The following ANKFN1 variants were observed in gnomAD, a reference collection of about 807,000 sequenced individuals.
ANKFN1 encodes the protein ankyrin repeat and fibronectin type-III domain-containing protein 1.
A neutral mutation model predicts 108.7 loss-of-function variants in ANKFN1; 74 were observed. The ratio of observed to expected loss-of-function variants is 0.68; its 90% CI spans 0.56 to 0.83. The LOEUF is 0.83. Among genes scored for constraint, ANKFN1 ranks in the 40% least tolerant of loss-of-function variants. The probability of loss-of-function intolerance (pLI) is 0.00; values close to 1 mark genes in which losing one functional copy is unlikely to be tolerated. For synonymous variants in ANKFN1, 547 were observed against 516.2 expected (o/e 1.06, Z -0.81); for missense variants, 1,505 against 1,382.3 (o/e 1.09, Z -1.41).
intron 2 of ANKFN1, among the ~76,000 whole-genome samples, chr17:56,214,354 G>C (rs186775852): frequency 6.6e-6 from 1 of 152,184 alleles, no homozygotes; most frequent in Admixed American, 6.5e-5. Context: ...ATCAAGAAAA[G>C]CTTCGCAGAG....
intron 10 of ANKFN1, 61 bp downstream of exon 10, chr17:56,442,994 T>G: frequency 6.5e-7 from 1 of 1,548,888 alleles, no homozygotes; most frequent in African/African-American, 1.4e-5. Context: ...AACTCCATCT[T>G]CAGGGTGCCA....
chr17:56,296,074 G>GA (rs2044501177), intron 3 of ANKFN1, among the ~76,000 whole-genome samples: 1 of 150,362 alleles, frequency 6.7e-6, no homozygotes, highest in African/African-American at 2.5e-5. Context: ...TTTAAATTCA[G>GA]GTTTTTTTTT....
At chr17:56,456,055 G>C (rs1245382786) in intron 11 of ANKFN1, among the ~76,000 whole-genome samples, 2 of 152,090 alleles carry the variant, frequency 1.3e-5, no homozygotes, top group Non-Finnish European at 2.9e-5. Context: ...GTGGGGTTTT[G>C]CTCTTTTTTT....
chr17:56,189,412 C>A (rs1292157018), intron 1 of ANKFN1, among the ~76,000 whole-genome samples: 4 of 151,518 alleles, frequency 2.6e-5, no homozygotes, highest in African/African-American at 9.7e-5. Flanking sequence ...CCTCGTGATC[C>A]GCCCGCCTCG....
intron 3 of ANKFN1, among the ~76,000 whole-genome samples, chr17:56,317,024 G>A (rs73311738): frequency 6.6e-6 from 1 of 152,172 alleles, no homozygotes; most frequent in South Asian, 2.1e-4. Flanking sequence ...TCTGGAAAGA[G>A]AGATCACATA....
chr17:56,253,201 C>T (rs1403478365), intron 3 of ANKFN1, among the ~76,000 whole-genome samples: 4 of 152,150 alleles, frequency 2.6e-5, no homozygotes, highest in Non-Finnish European at 4.4e-5. Flanking sequence ...CCAATTAATG[C>T]TGTACTTCCT....
intron 15 of ANKFN1, among the ~76,000 whole-genome samples, chr17:56,468,515 C>G (rs1598666414): frequency 6.6e-6 from 1 of 152,012 alleles, no homozygotes; most frequent in Non-Finnish European, 1.5e-5. Context: ...ACTGAGCCCC[C>G]TGCAAGCAGT....
chr17:56,409,825 T>C (rs2144985411), intron 8 of ANKFN1, among the ~76,000 whole-genome samples: 1 of 152,312 alleles, frequency 6.6e-6, no homozygotes, highest in African/African-American at 2.4e-5. Context: ...CTTCATTAAC[T>C]TGAATTTGTT....
intron 3 of ANKFN1, among the ~76,000 whole-genome samples, chr17:56,245,082 A>C (rs1917861676): frequency 6.6e-6 from 1 of 152,056 alleles, no homozygotes; most frequent in African/African-American, 2.4e-5. Flanking sequence ...TTTTTATTTC[A>C]AATTCTTTAT....
At chr17:56,399,406 T>C (rs1223011672) in intron 8 of ANKFN1, among the ~76,000 whole-genome samples, 1 of 151,876 alleles carries the variant, frequency 6.6e-6, no homozygotes, top group Non-Finnish European at 1.5e-5. Flanking sequence ...AAGACAAATA[T>C]TCATAACAAT....
intron 8 of ANKFN1, among the ~76,000 whole-genome samples, chr17:56,408,463 G>A (rs945258114): frequency 6.6e-6 from 1 of 152,064 alleles, no homozygotes; most frequent in African/African-American, 2.4e-5. Flanking sequence ...ATAGACACCT[G>A]TGAAAATGGT....
At chr17:56,219,383 A>C (rs1409146261) in intron 2 of ANKFN1, among the ~76,000 whole-genome samples, 1 of 152,008 alleles carries the variant, frequency 6.6e-6, no homozygotes, top group Non-Finnish European at 1.5e-5. Context: ...AGTAGCTGGG[A>C]CTACAGGTGT....
intron 8 of ANKFN1, among the ~76,000 whole-genome samples, chr17:56,419,603 A>G (rs1203703257): frequency 7.2e-5 from 11 of 152,024 alleles, no homozygotes; most frequent in Admixed American, 2.0e-4. Context: ...AGACCACCTG[A>G]GGCAACCTAG....
At chr17:56,359,996 C>T (rs1814744345) in intron 6 of ANKFN1, among the ~76,000 whole-genome samples, 1 of 152,174 alleles carries the variant, frequency 6.6e-6, no homozygotes, top group African/African-American at 2.4e-5. Flanking sequence ...CGTCATCACC[C>T]TCTGTGTTCA....
At chr17:56,156,614 C>T (rs1452178528) in intron 1 of ANKFN1, 1 of 152,168 alleles carries the variant, frequency 6.6e-6, no homozygotes, top group African/African-American at 2.4e-5. Context: ...ACCTTGCTCC[C>T]TTTGGGAACG....
chr17:56,323,357 C>T (rs2045423604), intron 3 of ANKFN1: 2 of 152,604 alleles, frequency 1.3e-5, no homozygotes, highest in African/African-American at 4.8e-5. Flanking sequence ...CTTCCTAAAA[C>T]AAGACTGTGA....
intron 3 of ANKFN1, among the ~76,000 whole-genome samples, chr17:56,291,299 T>C (rs2044357028): frequency 6.6e-6 from 1 of 152,180 alleles, no homozygotes; most frequent in Non-Finnish European, 1.5e-5. Context: ...CATTATTGAC[T>C]AAACATATGG....
At chr17:56,299,087 G>C (rs2044599224) in intron 3 of ANKFN1, among the ~76,000 whole-genome samples, 2 of 152,200 alleles carry the variant, frequency 1.3e-5, no homozygotes, top group Admixed American at 1.3e-4. Flanking sequence ...CACACCACAA[G>C]AGAGTCTCAG....
intron 3 of ANKFN1, among the ~76,000 whole-genome samples, chr17:56,274,351 T>C (rs1166601848): frequency 6.6e-6 from 1 of 152,126 alleles, no homozygotes; most frequent in Non-Finnish European, 1.5e-5. Context: ...CGGGCGCCTG[T>C]AGTCCCAGCT....
Sources: allele counts gnomAD v4.1 joint callset (sites outside exome capture counted in the v4.1 genomes callset), GRCh38; gene constraint gnomAD v4.1.1; transcripts MANE v1.5; gene names NCBI Gene and HGNC (gene_info 2026-07-23, HGNC 2026-07-21).